Variants in EFHD1 observed in about 807,000 individuals in gnomAD.
EFHD1 encodes the protein EF-hand domain family member D1.
In EFHD1, 10 loss-of-function variants were observed where a neutral mutation model predicts 17.2. The observed-to-expected ratio is 0.58, with a 90% CI of 0.36 to 0.99. The LOEUF (loss-of-function observed/expected upper bound fraction) is 0.99, where lower values mean the gene tolerates loss of function less well. EFHD1 is among the 50% of genes least tolerant of loss of function. EFHD1 has a pLI of 0.01. For missense variants in EFHD1, 310 were observed against 327.5 expected, an observed-to-expected ratio of 0.95 and a Z score of 0.41; for synonymous variants, 153 against 142.0, an observed-to-expected ratio of 1.08 and a Z score of -0.55.
At chr2:232,672,943 C>T (rs1219558132) in intron 3 of EFHD1, among the ~76,000 whole-genome samples, 1 of 152,154 alleles carries the variant, frequency 6.6e-6, no homozygotes, top group Non-Finnish European at 1.5e-5. Flanking sequence ...CATCTCTCTG[C>T]CATGCTGAAA....
At chr2:232,622,759 G>T (rs1230303327) in intron 1 of EFHD1, among the ~76,000 whole-genome samples, 1 of 152,136 alleles carries the variant, frequency 6.6e-6, no homozygotes, top group South Asian at 2.1e-4. Context: ...GCTATTCCAC[G>T]AGGTTGCCAC....
At chr2:232,652,315 C>T (rs953714481) in intron 1 of EFHD1, among the ~76,000 whole-genome samples, 1 of 152,130 alleles carries the variant, frequency 6.6e-6, no homozygotes, top group African/African-American at 2.4e-5. Flanking sequence ...AGATAATTGC[C>T]AAATGTCTAA....
intron 3 of EFHD1, among the ~76,000 whole-genome samples, chr2:232,675,467 C>T (rs999016171): frequency 3.9e-5 from 6 of 152,070 alleles, no homozygotes; most frequent in African/African-American, 1.2e-4. Context: ...GGCCTTCCCC[C>T]GACTGCTGAG....
At chr2:232,622,897 A>G (rs1286067363) in intron 1 of EFHD1, among the ~76,000 whole-genome samples, 4 of 152,204 alleles carry the variant, frequency 2.6e-5, no homozygotes, top group African/African-American at 9.6e-5. Context: ...TCTCATTAAT[A>G]GTTTTATATT....
intron 1 of EFHD1, chr2:232,638,598 T>G: frequency 2.7e-6 from 1 of 372,762 alleles, no homozygotes; most frequent in Non-Finnish European, 5.4e-6. Flanking sequence ...TTTGGAAGGC[T>G]GGGAATTTTC....
In EFHD1 at chr2:232,614,802, C is replaced by A. The variant is rs572642450; in HGVS notation, c.14+8629C>A. On this transcript the variant is annotated intron_variant, in intron 1 of 3. Coordinates refer to the EFHD1 transcript ENST00000409613. ...ACCAGCCTGGGCAACATGGTGAAAC[C>A]CTGACTCTACAAAAAATACAAAAAT... Among the ~76,000 whole-genome samples, 98 of 152,080 alleles carry A rather than the reference C, an allele frequency of 6.4e-4. 1 individual carries two copies. Among genetic ancestry groups the A allele is most frequent in the African/African-American group, 2.4e-3 (98 of 41,500 alleles).
chr2:232,636,555 G>A (rs556729925), intron 1 of EFHD1, among the ~76,000 whole-genome samples: 6 of 152,290 alleles, frequency 3.9e-5, no homozygotes, highest in Non-Finnish European at 7.3e-5. Flanking sequence ...GCTGGGTGTG[G>A]TGGCTCACAC....
intron 2 of EFHD1, among the ~76,000 whole-genome samples, chr2:232,664,315 T>C (rs950905669): frequency 6.7e-6 from 1 of 149,040 alleles, no homozygotes; most frequent in African/African-American, 2.5e-5. Flanking sequence ...ATTGAAAAAA[T>C]TTTTTTGTAG....
chr2:232,638,640 C>T (rs1394634587), intron 1 of EFHD1, among the ~76,000 whole-genome samples: 2 of 152,102 alleles, frequency 1.3e-5, no homozygotes, highest in Non-Finnish European at 1.5e-5. Flanking sequence ...CTTAGGGAGG[C>T]TTACTGGGGA....
intron 3 of EFHD1, among the ~76,000 whole-genome samples, chr2:232,679,239 G>T (rs945263690): frequency 1.3e-5 from 2 of 152,102 alleles, no homozygotes; most frequent in Non-Finnish European, 2.9e-5. Flanking sequence ...GAACGGAAAT[G>T]GTTGATCAAT....
chr2:232,647,066 AC>A (rs1170164027), intron 1 of EFHD1, among the ~76,000 whole-genome samples: 1 of 152,220 alleles, frequency 6.6e-6, no homozygotes, highest in Non-Finnish European at 1.5e-5. Context: ...ACGGGCACAC[AC>A]CTGTAAGTGA....
intron 1 of EFHD1, among the ~76,000 whole-genome samples, chr2:232,618,744 A>T (rs1424079338): frequency 7.3e-6 from 1 of 136,472 alleles, no homozygotes; most frequent in Non-Finnish European, 1.7e-5. Flanking sequence ...AAAATTTTGA[A>T]AAAAGGGAAA....
At chr2:232,666,816 A>G (rs945668628) in intron 2 of EFHD1, among the ~76,000 whole-genome samples, 1 of 152,102 alleles carries the variant, frequency 6.6e-6, no homozygotes, top group African/African-American at 2.4e-5. Flanking sequence ...TTCCTGTTCC[A>G]TTATTTCACC....
At chr2:232,668,771 T>C (rs536992745) in intron 2 of EFHD1, among the ~76,000 whole-genome samples, 42 of 152,174 alleles carry the variant, frequency 2.8e-4, no homozygotes, top group African/African-American at 9.6e-4. Context: ...GTAGCTGGGA[T>C]TACAGTTGTG....
intron 1 of EFHD1, among the ~76,000 whole-genome samples, chr2:232,620,986 C>T (rs7607256): frequency 1.3e-5 from 2 of 151,786 alleles, no homozygotes; most frequent in Admixed American, 6.6e-5. Flanking sequence ...GGGAGGGGCA[C>T]GGATGGCAAG....
In EFHD1 at chr2:232,674,313, G is replaced by C. The variant is rs189260313; in HGVS notation, c.585+1870G>C. Among the ~76,000 whole-genome samples, 15 of 152,350 alleles carry C rather than the reference G, an allele frequency of 9.8e-5. No individual in the cohort carries two copies. In the East Asian group the frequency reaches 2.9e-3, roughly 29 times the overall value. On this transcript the variant is annotated intron_variant, in intron 3 of 3. Transcript: ENST00000264059. ...ATTATCAGGGAAGTGAGTTCATTGT[G>C]ATATACCCACACATTTGCACACTCT...
At chr2:232,624,168 CTTT>C (rs1165748411) in intron 1 of EFHD1, among the ~76,000 whole-genome samples, 2 of 152,170 alleles carry the variant, frequency 1.3e-5, no homozygotes, top group African/African-American at 2.4e-5. Flanking sequence ...CTGATGTTTT[CTTT>C]ATTTTGGAAT....
intron 1 of EFHD1, among the ~76,000 whole-genome samples, chr2:232,658,155 G>A (rs1290209802): frequency 2.6e-5 from 4 of 151,856 alleles, no homozygotes; most frequent in East Asian, 1.9e-4. Context: ...CACCCACCTC[G>A]GCCTCACAAA....
intron 1 of EFHD1, among the ~76,000 whole-genome samples, chr2:232,654,786 T>C (rs899337856): frequency 1.3e-5 from 2 of 152,190 alleles, no homozygotes; most frequent in Admixed American, 6.5e-5. Flanking sequence ...GTCCCTCACA[T>C]GTGACAGCCC....
Sources: allele counts gnomAD v4.1 joint callset (sites outside exome capture counted in the v4.1 genomes callset), GRCh38; gene constraint gnomAD v4.1.1; transcripts MANE v1.5; gene names NCBI Gene and HGNC (gene_info 2026-07-23, HGNC 2026-07-21).